The following TFAP2A variants were observed in gnomAD, a reference collection of about 807,000 sequenced individuals.
TFAP2A encodes the protein transcription factor AP-2-alpha.
A neutral mutation model predicts 41.5 loss-of-function variants in TFAP2A; 7 were observed. The ratio of observed to expected loss-of-function variants is 0.17; its 90% CI spans 0.10 to 0.32. The LOEUF (loss-of-function observed/expected upper bound fraction) is 0.32. Ranked by LOEUF, TFAP2A falls within the 10% of genes least tolerant of loss-of-function variation. The pLI, the probability that TFAP2A is intolerant of heterozygous loss-of-function variation, is 1.00. For synonymous variants in TFAP2A, 247 were observed against 242.8 expected, an observed-to-expected ratio of 1.02 and a Z score of -0.16; for missense variants, 416 against 563.3, an observed-to-expected ratio of 0.74 and a Z score of 2.65.
At chr6:10,417,157 A>G (rs910284040), upstream of TFAP2A, 2 of 152,280 alleles carry the variant, frequency 1.3e-5, no homozygotes, top group Middle Eastern at 3.4e-3. Flanking sequence ...CACTCCGTAG[A>G]CGTCGCCGCG....
intron 4 of TFAP2A, among the ~76,000 whole-genome samples, chr6:10,403,146 A>C (rs987904418): frequency 1.3e-5 from 2 of 152,268 alleles, no homozygotes; most frequent in Admixed American, 6.5e-5. Flanking sequence ...TCAAAAGCTG[A>C]TATCAGCCCT....
intron 4 of TFAP2A, among the ~76,000 whole-genome samples, chr6:10,403,250 T>C (rs921198243): frequency 2.0e-5 from 3 of 152,372 alleles, no homozygotes; most frequent in Non-Finnish European, 2.9e-5. Flanking sequence ...ATAAATTGTT[T>C]AAATAAAACA....
chr6:10,419,401 A>G, upstream of TFAP2A: 1 of 1,613,652 alleles, frequency 6.2e-7, no homozygotes, highest in Non-Finnish European at 8.5e-7. Flanking sequence ...ACCCCAGCCA[A>G]GGCAAACCCC....
In TFAP2A at chr6:10,400,685, C is replaced by T. The variant is rs540391655; in HGVS notation, c.890-96G>A. 30 of 1,389,460 alleles carry T rather than the reference C, an allele frequency of 2.2e-5. No homozygotes were observed. In the East Asian group the frequency reaches 5.7e-4, roughly 26 times the overall value. The allele number at this position is 1,389,460 out of a possible 1,614,324, so 86.1% of individuals were successfully genotyped here. A position where few individuals can be genotyped will look rare whatever the true frequency, so the allele number is the denominator to read the frequency against. On this transcript the variant is annotated intron_variant, in intron 5 of 6. Transcript: ENST00000379613. Reference sequence around the variant, plus strand: ...CCCAACTCCCTAATTCCCTTCACCCCAGATGTTGCAGGAAACACAAACTAC... The same window carrying T: ...CCCAACTCCCTAATTCCCTTCACCCTAGATGTTGCAGGAAACACAAACTAC...
intron 1 of TFAP2A, chr6:10,411,525 T>C (rs752251215): frequency 6.3e-7 from 1 of 1,578,146 alleles, no homozygotes; most frequent in South Asian, 1.1e-5. Context: ...GTTTCCAGAA[T>C]CCAATTCCTA....
chr6:10,404,859 T>G, intron 3 of TFAP2A, 120 bp from the exon 4 acceptor site: 1 of 855,278 alleles, frequency 1.2e-6, no homozygotes, highest in South Asian at 1.6e-5. Context: ...AGTCCCCGCT[T>G]TTCCGTCCGG....
Position 10,398,192 on chromosome 6 carries a change from G to GGAGGTCGAGGCGGGTGCA in TFAP2A, c.*207_*224dup. On this transcript the variant is annotated 3_prime_UTR_variant, in exon 7 of 7. Transcript: ENST00000379613. The surrounding 1 kb of genome is among the most constrained non-coding windows in gnomAD (Gnocchi z 5.3). ...GGCACAGGGGTGTGGGAGCGGGTGG[G>GGAGGTCGAGGCGGGTGCA]GAGGTCGAGGCGGGTGCAGAGTCGG... 1 of 1,449,258 alleles carries GGAGGTCGAGGCGGGTGCA rather than the reference G, an allele frequency of 6.9e-7. No individual in the cohort carries two copies. Among genetic ancestry groups the GGAGGTCGAGGCGGGTGCA allele is most frequent in the Non-Finnish European group, 9.1e-7 (1 of 1,104,822 alleles). 89.8% of individuals were successfully genotyped at this position (1,449,258 alleles called of 1,614,324 possible).
At chr6:10,406,922 G>T in intron 2 of TFAP2A, 78 bp from the exon 3 acceptor site, 1 of 1,130,964 alleles carries the variant, frequency 8.8e-7, no homozygotes, top group Non-Finnish European at 1.4e-6. Flanking sequence ...AAGATGGGAG[G>T]AGGGGAAGGT....
chr6:10,419,591 T>C (rs532547488), upstream of TFAP2A: 8 of 1,100,668 alleles, frequency 7.3e-6, no homozygotes, highest in African/African-American at 1.2e-4. Context: ...AAGAGCTGGG[T>C]TGCTACCTGC....
chr6:10,410,607 C>T (rs1460008747), intron 1 of TFAP2A, among the ~76,000 whole-genome samples: 1 of 152,156 alleles, frequency 6.6e-6, no homozygotes, highest in African/African-American at 2.4e-5. Context: ...TCTCCTGGAA[C>T]ACAGCCCATT....
In TFAP2A at chr6:10,414,783, C is replaced by G. The variant is rs948601697; in HGVS notation, c.51+158G>C. 44 of 966,336 alleles carry G rather than the reference C, an allele frequency of 4.6e-5. No homozygotes were observed. The African/African-American group carries it at 6.6e-4, about 14-fold the overall frequency. 59.9% of individuals were successfully genotyped at this position (966,336 alleles called of 1,614,324 possible). A position where few individuals can be genotyped will look rare whatever the true frequency, so the allele number is the denominator to read the frequency against. The stretch of plus-strand genomic sequence containing the variant: ...CCACGTCCTCTCTCTGCAGCTTCTC[C>G]CCCGCGTTCTTCGGGCGAATCCGAG... On this transcript the variant is annotated intron_variant, in intron 1 of 6. Coordinates refer to ENST00000379613, the MANE Select transcript of TFAP2A (RefSeq NM_001372066.1).
intron 3 of TFAP2A, chr6:10,406,553 C>T: frequency 1.8e-6 from 1 of 560,420 alleles, no homozygotes; most frequent in Non-Finnish European, 3.2e-6. Context: ...GTGTGTTTGT[C>T]CAAATATCAT....
At chr6:10,415,645 C>G (rs575832853), upstream of TFAP2A, 1 of 156,786 alleles carries the variant, frequency 6.4e-6, no homozygotes, top group Non-Finnish European at 1.4e-5. Flanking sequence ...TACCACGATC[C>G]GAGCTGCCCT....
At chr6:10,406,050 T>A (rs909466165) in intron 3 of TFAP2A, 4 of 152,252 alleles carry the variant, frequency 2.6e-5, no homozygotes, top group Non-Finnish European at 5.9e-5. Context: ...CAGTTTTATA[T>A]AGCATCGTCC....
chr6:10,411,254 A>C (rs1213706433), intron 1 of TFAP2A, among the ~76,000 whole-genome samples: 1 of 152,154 alleles, frequency 6.6e-6, no homozygotes, highest in Non-Finnish European at 1.5e-5. Context: ...TCAAATGTTG[A>C]GAACATCTCG....
At chr6:10,419,029 C>G (rs929806645), upstream of TFAP2A, among the ~76,000 whole-genome samples, 1 of 152,146 alleles carries the variant, frequency 6.6e-6, no homozygotes, top group African/African-American at 2.4e-5. Flanking sequence ...CCTTCACCGC[C>G]GCGCACCACA....
At chr6:10,417,667 G>A (rs1364373384), upstream of TFAP2A, among the ~76,000 whole-genome samples, 2 of 152,118 alleles carry the variant, frequency 1.3e-5, no homozygotes, top group African/African-American at 2.4e-5. Flanking sequence ...GACAGTGAGG[G>A]GCCAGAACGA....
At chr6:10,405,434 G>C (rs190362073) in intron 3 of TFAP2A, 133 of 152,340 alleles carry the variant, frequency 8.7e-4, no homozygotes, top group African/African-American at 3.2e-3. Flanking sequence ...GGGGAGGGAA[G>C]AACAGGCCTA....
At chr6:10,412,454 G>A (rs1398368497) in intron 1 of TFAP2A, 1 of 150,586 alleles carries the variant, frequency 6.6e-6, no homozygotes, top group Non-Finnish European at 1.4e-5. Context: ...GAGCCCGAGA[G>A]GAGGAAGGGA....
Sources: gnomAD v4.1 joint callset for allele counts (sites outside exome capture counted in the v4.1 genomes callset) on GRCh38, gnomAD v4.1.1 for gene constraint, Gnocchi (gnomAD v3.1) non-coding constraint, MANE v1.5 for transcripts, NCBI Gene and HGNC (gene_info 2026-07-23, HGNC 2026-07-21) for gene names.